PTPRK: variants seen among roughly 807,000 people sequenced by gnomAD.
PTPRK encodes receptor-type tyrosine-protein phosphatase kappa.
In PTPRK, 75 loss-of-function variants were observed where a neutral mutation model predicts 178.0. The observed-to-expected ratio is 0.42, with a 90% CI of 0.35 to 0.51. The LOEUF is 0.51. Ranked by LOEUF, PTPRK falls within the 20% of genes least tolerant of loss-of-function variation. The probability of loss-of-function intolerance (pLI) is 0.02; values close to 1 mark genes in which losing one functional copy is unlikely to be tolerated. For missense variants in PTPRK, 1,441 were observed against 1,797.8 expected, an observed-to-expected ratio of 0.80 and a Z score of 3.59; for synonymous variants, 637 against 620.6, an observed-to-expected ratio of 1.03 and a Z score of -0.39.
intron 3 of PTPRK, among the ~76,000 whole-genome samples, chr6:128,293,965 C>T (rs1020067954): frequency 6.6e-6 from 1 of 152,062 alleles, no homozygotes; most frequent in Admixed American, 6.6e-5. Flanking sequence ...CTAAGGGAAA[C>T]ATGCTTGATA....
intron 8 of PTPRK, among the ~76,000 whole-genome samples, chr6:128,087,442 G>A (rs1786088836): frequency 6.6e-6 from 1 of 152,054 alleles, no homozygotes; most frequent in Admixed American, 6.6e-5. Context: ...TAAAAGAAAA[G>A]ATAGAAATTT....
intron 3 of PTPRK, among the ~76,000 whole-genome samples, chr6:128,270,051 T>C (rs112776004): frequency 3.3e-5 from 5 of 152,134 alleles, no homozygotes; most frequent in Admixed American, 3.3e-4. Context: ...TATCCCATAA[T>C]AGGCAGTTCT....
At chr6:128,348,599 TTA>T (rs1832722645) in intron 2 of PTPRK, among the ~76,000 whole-genome samples, 1 of 152,058 alleles carries the variant, frequency 6.6e-6, no homozygotes, top group Non-Finnish European at 1.5e-5. Flanking sequence ...CTGAAATATT[TTA>T]GTTTGTTAAC....
chr6:128,124,330 G>A (rs1472664261), intron 7 of PTPRK, among the ~76,000 whole-genome samples: 1 of 152,120 alleles, frequency 6.6e-6, no homozygotes, highest in African/African-American at 2.4e-5. Flanking sequence ...TTACAGGCGT[G>A]AGCCACCATG....
At chr6:127,981,376 G>A in intron 24 of PTPRK, 87 bp from the exon 25 acceptor site, 1 of 1,202,278 alleles carries the variant, frequency 8.3e-7, no homozygotes, top group Non-Finnish European at 1.2e-6. Flanking sequence ...AGAAGGCCAA[G>A]TAGAAAGTGA....
intron 2 of PTPRK, among the ~76,000 whole-genome samples, chr6:128,380,301 G>A (rs1186407579): frequency 6.6e-6 from 1 of 152,086 alleles, no homozygotes; most frequent in South Asian, 2.1e-4. Context: ...GGGTGCAAAG[G>A]AGACTCTGTA....
intron 1 of PTPRK, among the ~76,000 whole-genome samples, chr6:128,422,813 T>A (rs1194893014): frequency 6.6e-6 from 1 of 151,990 alleles, no homozygotes; most frequent in East Asian, 1.9e-4. Flanking sequence ...ACGCTAAAAT[T>A]TTCAAAATGA....
rs140095265 is a variant in PTPRK at position 128,386,054 on chromosome 6, AT to A, written c.223+11511del. Among the ~76,000 whole-genome samples the A allele has an allele frequency of 3.7e-3, 558 of 152,316 alleles. 3 individuals carry two copies. The highest frequency in any genetic ancestry group is 5.8e-3 in the Non-Finnish European group (397 of 68,022). Reference sequence around the variant, plus strand: ...AATGTTCTGTTTTTTTGATTGGTATATATAATAATAAAGCTTTTTATTTATC... The same window carrying A: ...AATGTTCTGTTTTTTTGATTGGTATAATAATAATAAAGCTTTTTATTTATC... On this transcript the variant is annotated intron_variant, in intron 2 of 29. Transcript: ENST00000368226.
chr6:127,995,943 C>T (rs1304937359), intron 17 of PTPRK, among the ~76,000 whole-genome samples: 4 of 151,992 alleles, frequency 2.6e-5, no homozygotes, highest in Admixed American at 6.6e-5. Flanking sequence ...TTTGAATTCC[C>T]GCTCTCAGTT....
At chr6:128,224,498 T>A (rs1409343762) in intron 5 of PTPRK, among the ~76,000 whole-genome samples, 1 of 152,226 alleles carries the variant, frequency 6.6e-6, no homozygotes, top group Admixed American at 6.5e-5. Flanking sequence ...CCTTGCCATG[T>A]GGTCTACAGA....
chr6:128,262,061 G>A (rs191201238), intron 3 of PTPRK, among the ~76,000 whole-genome samples: 4 of 152,290 alleles, frequency 2.6e-5, no homozygotes, highest in Admixed American at 2.6e-4. Context: ...CTGATCAAGT[G>A]TGCTTTATGT....
At chr6:128,341,625 A>G (rs1206041686) in intron 2 of PTPRK, among the ~76,000 whole-genome samples, 1 of 152,216 alleles carries the variant, frequency 6.6e-6, no homozygotes, top group Non-Finnish European at 1.5e-5. Context: ...TTTATTTTCT[A>G]TGCCTTTGTC....
rs528308744 is a variant in PTPRK, at chr6:128,497,848, G to A, written c.100+22411C>T. Among the ~76,000 whole-genome samples, 3 of 151,766 alleles carry A rather than the reference G, an allele frequency of 2.0e-5. No individual in the cohort carries two copies. The South Asian group carries it at 6.2e-4, about 32-fold the overall frequency. On this transcript the variant is annotated intron_variant, in intron 1 of 29. Coordinates refer to ENST00000368226, the MANE Select transcript of PTPRK (RefSeq NM_002844.4). Reference sequence around the variant, plus strand: ...GTAAAATCTCATTAACTGGAGGTGGGGTGAGATGACTACGAATCACTTTAA... The same window carrying A: ...GTAAAATCTCATTAACTGGAGGTGGAGTGAGATGACTACGAATCACTTTAA...
At chr6:127,998,980 A>G in intron 15 of PTPRK, 76 bp from the exon 16 acceptor site, 4 of 1,233,436 alleles carry the variant, frequency 3.2e-6, no homozygotes, top group Non-Finnish European at 4.4e-6. Flanking sequence ...TATGCAATGA[A>G]GATTTTAAGA....
chr6:128,242,231 A>T (rs1261615182), intron 4 of PTPRK, among the ~76,000 whole-genome samples: 1 of 152,194 alleles, frequency 6.6e-6, no homozygotes, highest in Non-Finnish European at 1.5e-5. Flanking sequence ...GATGCCAAAA[A>T]AATGAACAAG....
intron 2 of PTPRK, among the ~76,000 whole-genome samples, chr6:128,379,120 T>C (rs1837514038): frequency 6.6e-6 from 1 of 152,110 alleles, no homozygotes; most frequent in African/African-American, 2.4e-5. Flanking sequence ...GACTAAATGT[T>C]CTACTCCCTG....
intron 1 of PTPRK, among the ~76,000 whole-genome samples, chr6:128,403,838 G>A (rs377326774): frequency 1.2e-4 from 19 of 152,098 alleles, no homozygotes; most frequent in African/African-American, 4.6e-4. Flanking sequence ...TTTAGCGTAG[G>A]AGTCAGCAAA....
At chr6:128,432,745 A>AACACACACACACACACACAC (rs4053237) in intron 1 of PTPRK, among the ~76,000 whole-genome samples, 5 of 146,276 alleles carry the variant, frequency 3.4e-5, no homozygotes, top group African/African-American at 1.3e-4. Flanking sequence ...TGTGTTCACA[A>AACACACACACACACACACAC]ACACACACAC....
intron 2 of PTPRK, among the ~76,000 whole-genome samples, chr6:128,387,982 T>C (rs987509462): frequency 6.6e-6 from 1 of 152,168 alleles, no homozygotes; most frequent in Non-Finnish European, 1.5e-5. Flanking sequence ...CTCATAATCT[T>C]TGAAGAAAGT....
Sources: gnomAD v4.1 joint callset for allele counts (sites outside exome capture counted in the v4.1 genomes callset) on GRCh38, gnomAD v4.1.1 for gene constraint, MANE v1.5 for transcripts, NCBI Gene and HGNC (gene_info 2026-07-23, HGNC 2026-07-21) for gene names.